Variants in TRAPPC9 observed in about 807,000 individuals in gnomAD.
TRAPPC9 encodes trafficking protein particle complex subunit 9.
In TRAPPC9, 83 loss-of-function variants were observed where a neutral mutation model predicts 124.0. The observed-to-expected ratio is 0.67, with a 90% confidence interval of 0.56 to 0.80. The LOEUF (loss-of-function observed/expected upper bound fraction) is 0.80, where lower values mean the gene tolerates loss of function less well. TRAPPC9 is among the 30% of genes least tolerant of loss of function. The pLI, the probability that TRAPPC9 is intolerant of heterozygous loss-of-function variation, is 0.00. For synonymous variants in TRAPPC9, 638 were observed against 617.5 expected (o/e 1.03, Z -0.49); for missense variants, 1,302 against 1,508.3 (o/e 0.86, Z 2.27).
At chr8:139,975,984 G>A (rs558923689) in intron 19 of TRAPPC9, among the ~76,000 whole-genome samples, 17 of 109,352 alleles carry the variant, frequency 1.6e-4, no homozygotes, top group South Asian at 9.6e-4. Flanking sequence ...TCACCCCCCC[G>A]GGGTTCACGC....
rs141886381 is a variant in TRAPPC9 at position 139,776,319 on chromosome 8, G to A, written c.3056-44117C>T. 2.6e-3 allele frequency among the ~76,000 whole-genome samples: 395 copies of A among 152,288 alleles called. 3 individuals are homozygous for A. The highest frequency in any genetic ancestry group is 8.2e-3 in the African/African-American group (339 of 41,570). ...AAGCCAACAGGCCCAAACAGGGGAC[G>A]TCAGCTGCTATGTGACGTCATCTCA... On this transcript the variant is annotated intron_variant, in intron 21 of 22. Transcript: ENST00000438773. The surrounding 1 kb of genome is among the most constrained non-coding windows in gnomAD (Gnocchi z 4.1).
At chr8:140,141,481 G>A (rs947366744) in intron 17 of TRAPPC9, among the ~76,000 whole-genome samples, 1 of 152,056 alleles carries the variant, frequency 6.6e-6, no homozygotes, top group African/African-American at 2.4e-5. Context: ...GGGGGTCTTG[G>A]AACACACACC....
At chr8:140,062,157 C>T (rs1226106110) in intron 17 of TRAPPC9, among the ~76,000 whole-genome samples, 1 of 152,174 alleles carries the variant, frequency 6.6e-6, no homozygotes, top group African/African-American at 2.4e-5. Flanking sequence ...GTCTGCAGGG[C>T]AGGACAGGAT....
intron 21 of TRAPPC9, among the ~76,000 whole-genome samples, chr8:139,832,080 G>A (rs1311312819): frequency 6.6e-6 from 1 of 152,160 alleles, no homozygotes; most frequent in African/African-American, 2.4e-5. Flanking sequence ...GGCGTCCCCT[G>A]CCAGTAACCA....
intron 21 of TRAPPC9, among the ~76,000 whole-genome samples, chr8:139,838,991 G>A (rs1004499278): frequency 1.6e-4 from 24 of 152,274 alleles, no homozygotes; most frequent in African/African-American, 5.5e-4. Context: ...TGGGAGGGGT[G>A]GAATTCTCCC....
At chr8:139,735,364 G>A (rs1467105172) in intron 21 of TRAPPC9, among the ~76,000 whole-genome samples, 1 of 152,194 alleles carries the variant, frequency 6.6e-6, no homozygotes, top group African/African-American at 2.4e-5. Context: ...TGCTGTTGGG[G>A]CAGCGGCTTT....
chr8:140,382,337 G>A (rs1254974070), intron 7 of TRAPPC9, among the ~76,000 whole-genome samples: 2 of 152,364 alleles, frequency 1.3e-5, no homozygotes, highest in Admixed American at 6.5e-5. Flanking sequence ...GAAGCAGGAT[G>A]AGGCATCGCC....
At chr8:139,773,668 A>C (rs2130465781) in intron 21 of TRAPPC9, among the ~76,000 whole-genome samples, 1 of 152,158 alleles carries the variant, frequency 6.6e-6, no homozygotes. Context: ...ACCTGCCTCA[A>C]AGTCCCTCAC....
intron 21 of TRAPPC9, among the ~76,000 whole-genome samples, chr8:139,775,563 C>A (rs1209332543): frequency 6.6e-6 from 1 of 152,206 alleles, no homozygotes; most frequent in Admixed American, 6.5e-5. Context: ...AGGGTGTGGG[C>A]TAACTGGGGG....
intron 21 of TRAPPC9, among the ~76,000 whole-genome samples, chr8:139,882,892 T>C (rs1829765633): frequency 6.6e-6 from 1 of 152,210 alleles, no homozygotes. Flanking sequence ...CAGGGCTACC[T>C]GATCCTGAGA....
chr8:140,336,401 T>C (rs994456363), intron 9 of TRAPPC9, among the ~76,000 whole-genome samples: 1 of 152,156 alleles, frequency 6.6e-6, no homozygotes, highest in African/African-American at 2.4e-5. Context: ...AGACAGCTGA[T>C]GTGAACAGGG....
Position 139,729,976 on chromosome 8 carries a change from A to C in TRAPPC9, c.*1085T>G, listed in dbSNP as rs169185. ...ACACAGCCAGAAGCCTGCCCCCAGA[A>C]CAGGACTCTTGTGGGTAGTGTAGAC... is the stretch of plus-strand genomic sequence containing the variant. On this transcript the variant is annotated 3_prime_UTR_variant, in exon 23 of 23. Transcript: ENST00000438773. 0.25 allele frequency among the ~76,000 whole-genome samples: 37,980 copies of C among 152,082 alleles called. 5,293 individuals carry two copies. The highest frequency in any genetic ancestry group is 0.38 in the African/African-American group (15,709 of 41,496).
intron 17 of TRAPPC9, among the ~76,000 whole-genome samples, chr8:140,170,863 G>A (rs138802182): frequency 1.1e-4 from 17 of 152,130 alleles, no homozygotes; most frequent in Non-Finnish European, 1.3e-4. Flanking sequence ...TCAGACTCAG[G>A]CCTAGCCAGC....
chr8:140,398,060 T>C (rs568060002), intron 6 of TRAPPC9, among the ~76,000 whole-genome samples: 3 of 152,326 alleles, frequency 2.0e-5, no homozygotes, highest in Admixed American at 2.0e-4. Context: ...GGTTTCTGCT[T>C]TTGCATTTCC....
intron 16 of TRAPPC9, among the ~76,000 whole-genome samples, chr8:140,221,953 T>C (rs2063346895): frequency 6.6e-6 from 1 of 152,204 alleles, no homozygotes. Context: ...TTGTATCAGT[T>C]ACAGCTGCCT....
chr8:140,180,997 A>G (rs540773912), intron 17 of TRAPPC9, among the ~76,000 whole-genome samples: 1 of 152,288 alleles, frequency 6.6e-6, no homozygotes, highest in African/African-American at 2.4e-5. Context: ...TTCTCAGGCT[A>G]ATTCTCAGTT....
intron 8 of TRAPPC9, among the ~76,000 whole-genome samples, chr8:140,369,488 A>G (rs1312740979): frequency 6.6e-6 from 1 of 152,232 alleles, no homozygotes; most frequent in Non-Finnish European, 1.5e-5. Context: ...AGATGTCTTC[A>G]GATATTCTAG....
At chr8:140,295,523 T>C (rs2065781419) in intron 11 of TRAPPC9, among the ~76,000 whole-genome samples, 1 of 152,078 alleles carries the variant, frequency 6.6e-6, no homozygotes, top group South Asian at 2.1e-4. Flanking sequence ...CAAAGACCTA[T>C]CACAAATGAC....
At chr8:140,250,559 C>T (rs747971989) in intron 16 of TRAPPC9, among the ~76,000 whole-genome samples, 4 of 152,118 alleles carry the variant, frequency 2.6e-5, no homozygotes, top group Non-Finnish European at 5.9e-5. Flanking sequence ...CACATAAGGG[C>T]GCCGTGATTG....
Sources: allele counts gnomAD v4.1 joint callset (sites outside exome capture counted in the v4.1 genomes callset), GRCh38; gene constraint gnomAD v4.1.1; non-coding constraint Gnocchi (gnomAD v3.1); transcripts MANE v1.5; gene names NCBI Gene and HGNC (gene_info 2026-07-23, HGNC 2026-07-21).